Variants in GALNTL6 observed in about 807,000 individuals in gnomAD.
GALNTL6 encodes polypeptide N-acetylgalactosaminyltransferase-like 6.
In GALNTL6, 46 loss-of-function variants were observed where a neutral mutation model predicts 73.7. That is an observed-to-expected ratio of 0.62 (90% CI 0.49 to 0.80). GALNTL6 has a LOEUF of 0.80. Ranked by LOEUF, GALNTL6 falls within the 30% of genes least tolerant of loss-of-function variation. GALNTL6 has a pLI of 0.00. For synonymous variants in GALNTL6, 259 were observed against 263.7 expected (o/e 0.98, Z 0.17); for missense variants, 604 against 755.0 (o/e 0.80, Z 2.34).
chr4:172,598,485 G>A (rs1737943811), intron 5 of GALNTL6, among the ~76,000 whole-genome samples: 2 of 152,030 alleles, frequency 1.3e-5, no homozygotes, highest in African/African-American at 4.8e-5. Context: ...TAAATATCCA[G>A]AAGACCAGTT....
At chr4:172,531,236 T>A (rs1735159279) in intron 5 of GALNTL6, among the ~76,000 whole-genome samples, 2 of 152,168 alleles carry the variant, frequency 1.3e-5, no homozygotes, top group Admixed American at 1.3e-4. Flanking sequence ...GGAGCTACAG[T>A]GTGCAGCAAA....
intron 2 of GALNTL6, among the ~76,000 whole-genome samples, chr4:171,976,512 G>A (rs1739725899): frequency 6.6e-6 from 1 of 152,178 alleles, no homozygotes; most frequent in South Asian, 2.1e-4. Flanking sequence ...CATAGGTTTT[G>A]TATGGTGTAT....
Position 172,609,623 on chromosome 4 carries a change from C to CTGTGTGTGTGTGTG in GALNTL6, c.554-199737_554-199736insGTGTGTGTGTGTGT, listed in dbSNP as rs1414167008. Among the ~76,000 whole-genome samples the CTGTGTGTGTGTGTG allele has an allele frequency of 1.3e-4, 12 of 92,616 alleles. 1 individual carries two copies. Among genetic ancestry groups the CTGTGTGTGTGTGTG allele is most frequent in the East Asian group, 1.2e-3 (4 of 3,262 alleles). 60.8% of individuals were successfully genotyped at this position (92,616 alleles called of 152,430 possible). ...GTTTTCTCTCTCTCTCTCTCTCTCTCTCTGTGTGTGTGTGTGTGTGTGTGT... is the reference window on the plus strand; with the variant it reads ...GTTTTCTCTCTCTCTCTCTCTCTCTCTGTGTGTGTGTGTGTCTGTGTGTGTGTGTGTGTGTGTGT... On this transcript the variant is annotated intron_variant, in intron 5 of 12. Coordinates refer to ENST00000506823, the MANE Select transcript of GALNTL6 (RefSeq NM_001034845.3).
At chr4:172,316,169 C>T (rs983245151) in intron 4 of GALNTL6, among the ~76,000 whole-genome samples, 4 of 151,962 alleles carry the variant, frequency 2.6e-5, no homozygotes, top group Non-Finnish European at 5.9e-5. Context: ...AAATTCATAT[C>T]TATGAAAAAA....
intron 2 of GALNTL6, among the ~76,000 whole-genome samples, chr4:171,994,775 C>T (rs183277879): frequency 1.6e-3 from 246 of 151,622 alleles, no homozygotes; most frequent in Non-Finnish European, 2.5e-3. Flanking sequence ...ATAGTTTATT[C>T]GTACTCCCAG....
rs556060799 is a variant in GALNTL6 at position 172,573,492 on chromosome 4, C to T, written c.553+224803C>T. ...CAGAAATTTCTCTGAATTTCTCACT[C>T]CCAAGGATTTGAAGCAATGGTGGCT... On this transcript the variant is annotated intron_variant, in intron 5 of 12. Transcript: ENST00000506823. Among the ~76,000 whole-genome samples, 4 of 152,236 alleles carry T rather than the reference C, an allele frequency of 2.6e-5. No homozygotes were observed. The South Asian group carries it at 8.3e-4, about 32-fold the overall frequency.
chr4:172,173,705 T>C (rs1412012024), intron 2 of GALNTL6, among the ~76,000 whole-genome samples: 1 of 152,182 alleles, frequency 6.6e-6, no homozygotes, highest in Non-Finnish European at 1.5e-5. Flanking sequence ...TTGGAAGAAG[T>C]AAAGAATTTA....
intron 5 of GALNTL6, among the ~76,000 whole-genome samples, chr4:172,406,075 T>C (rs1300488473): frequency 6.6e-6 from 1 of 152,050 alleles, no homozygotes; most frequent in East Asian, 1.9e-4. Flanking sequence ...TAAGGAAAAA[T>C]CATAAATAAG....
chr4:172,124,779 TGTAC>T (rs1268396607), intron 2 of GALNTL6, among the ~76,000 whole-genome samples: 10 of 152,246 alleles, frequency 6.6e-5, no homozygotes, highest in African/African-American at 2.4e-4. Context: ...AGTAAGACAG[TGTAC>T]AAGGTTATGA....
intron 2 of GALNTL6, among the ~76,000 whole-genome samples, chr4:172,048,018 G>A (rs190038488): frequency 2.8e-4 from 42 of 152,048 alleles, no homozygotes; most frequent in Middle Eastern, 3.4e-3. Context: ...TAATAACATC[G>A]CAAACTCTTT....
At chr4:172,429,175 A>ATTATT (rs55654797) in intron 5 of GALNTL6, among the ~76,000 whole-genome samples, 1 of 13,304 alleles carries the variant, frequency 7.5e-5, no homozygotes, top group African/African-American at 1.8e-4. Context: ...ATTTTGTTTT[A>ATTATT]TTATTTTATT....
chr4:172,371,172 T>C (rs1742794842), intron 5 of GALNTL6, among the ~76,000 whole-genome samples: 1 of 152,218 alleles, frequency 6.6e-6, no homozygotes, highest in Admixed American at 6.5e-5. Context: ...AGAGTTTCCT[T>C]ATCACTTACT....
intron 10 of GALNTL6, 40 bp from the exon 11 acceptor site, chr4:173,009,138 G>A (rs745638010): frequency 8.2e-6 from 11 of 1,342,768 alleles, no homozygotes; most frequent in African/African-American, 7.2e-5. Flanking sequence ...GATAAAATAC[G>A]ACATAGCCCC....
intron 2 of GALNTL6, among the ~76,000 whole-genome samples, chr4:171,877,549 T>C (rs1419587119): frequency 6.6e-6 from 1 of 152,130 alleles, no homozygotes; most frequent in African/African-American, 2.4e-5. Context: ...GTGGTACAGT[T>C]AAAAAGTGTT....
intron 2 of GALNTL6, among the ~76,000 whole-genome samples, chr4:171,952,976 C>A (rs184416156): frequency 6.6e-6 from 1 of 151,940 alleles, no homozygotes; most frequent in Non-Finnish European, 1.5e-5. Context: ...TATTTTAAAT[C>A]ACAGCATCAA....
chr4:172,291,480 G>A (rs2111100587), intron 3 of GALNTL6, among the ~76,000 whole-genome samples: 1 of 152,088 alleles, frequency 6.6e-6, no homozygotes, highest in Admixed American at 6.5e-5. Context: ...ATAATTGTTA[G>A]TATGATACTA....
chr4:172,464,265 C>A (rs528461927), intron 5 of GALNTL6, among the ~76,000 whole-genome samples: 7 of 152,054 alleles, frequency 4.6e-5, no homozygotes, highest in African/African-American at 1.7e-4. Context: ...TTATGACTTG[C>A]AGAACAGGGG....
At chr4:172,212,078 C>T (rs1467356744) in intron 2 of GALNTL6, among the ~76,000 whole-genome samples, 2 of 152,232 alleles carry the variant, frequency 1.3e-5, no homozygotes, top group Non-Finnish European at 2.9e-5. Context: ...TCTTCCCCCA[C>T]CCACTTCAGT....
intron 2 of GALNTL6, among the ~76,000 whole-genome samples, chr4:172,040,368 A>C (rs1742049806): frequency 1.3e-5 from 2 of 152,080 alleles, no homozygotes. Flanking sequence ...TGTAATATGC[A>C]AAGAACTTTG....
Sources: gnomAD v4.1 joint callset for allele counts (sites outside exome capture counted in the v4.1 genomes callset) on GRCh38, gnomAD v4.1.1 for gene constraint, MANE v1.5 for transcripts, NCBI Gene and HGNC (gene_info 2026-07-23, HGNC 2026-07-21) for gene names.